The following SV2C variants were observed in gnomAD, a reference collection of about 807,000 sequenced individuals.
The protein encoded by SV2C is synaptic vesicle glycoprotein 2C, also known as solute carrier family 22 member B3.
Under a neutral mutation model 79.7 loss-of-function variants are expected in SV2C, and 49 were observed. The ratio of observed to expected loss-of-function variants is 0.61; its 90% confidence interval spans 0.49 to 0.78. The LOEUF is 0.78. Ranked by LOEUF, SV2C falls within the 30% of genes least tolerant of loss-of-function variation. The probability of loss-of-function intolerance (pLI) is 0.00; values close to 1 mark genes in which losing one functional copy is unlikely to be tolerated. For missense variants in SV2C, 833 were observed against 912.9 expected, an observed-to-expected ratio of 0.91 and a Z score of 1.13; for synonymous variants, 334 against 333.2, an observed-to-expected ratio of 1.00 and a Z score of -0.03.
intron 3 of SV2C, among the ~76,000 whole-genome samples, chr5:76,209,384 G>A (rs1744700324): frequency 6.6e-6 from 1 of 152,138 alleles, no homozygotes; most frequent in Admixed American, 6.5e-5. Context: ...ATATTCACTA[G>A]ATTATAGGAA....
intron 4 of SV2C, among the ~76,000 whole-genome samples, chr5:76,232,690 T>G (rs1382619751): frequency 6.9e-6 from 1 of 144,522 alleles, no homozygotes; most frequent in East Asian, 2.0e-4. Flanking sequence ...ATTTATTAAA[T>G]AGGGAATCCT....
the SV2C span, among the ~76,000 whole-genome samples, chr5:75,893,212 T>G: frequency 6.6e-6 from 1 of 152,138 alleles, no homozygotes; most frequent in African/African-American, 2.4e-5. Flanking sequence ...TTTGGCCACC[T>G]GTATGTCCTC....
At chr5:76,334,835 C>T (rs1749280058), downstream of SV2C, among the ~76,000 whole-genome samples, 2 of 152,186 alleles carry the variant, frequency 1.3e-5, no homozygotes, top group African/African-American at 4.8e-5. Context: ...AGAGTCACCT[C>T]TCCCCCTATA....
chr5:76,220,321 A>C (rs1225364818), intron 4 of SV2C, among the ~76,000 whole-genome samples: 1 of 152,192 alleles, frequency 6.6e-6, no homozygotes, highest in Admixed American at 6.5e-5. Context: ...TCTCAATCCT[A>C]GGAAACCACT....
chr5:75,911,515 C>T, the SV2C span: 10 of 703,554 alleles, frequency 1.4e-5, no homozygotes, highest in African/African-American at 3.6e-5. Context: ...AACCACTGGC[C>T]CTAGGGTCTC....
rs1195735013 is a variant in SV2C, at chr5:76,131,654, G to C, written c.-97G>C. The C allele has an allele frequency of 3.0e-6, 3 of 994,866 alleles. No individual in the cohort carries two copies. The highest frequency in any genetic ancestry group is 2.9e-6 in the Non-Finnish European group (2 of 684,078). 61.6% of individuals were successfully genotyped at this position (994,866 alleles called of 1,614,324 possible). The stretch of plus-strand genomic sequence containing the variant: ...CCTCTATTTCTTCTTTCGCAGTTCT[G>C]TTTTGAACCCAAAGTGGATGATGCT... On this transcript the variant is annotated 5_prime_UTR_variant, in exon 2 of 13. Transcript: ENST00000502798.
At chr5:76,141,483 G>A (rs1170667263) in intron 2 of SV2C, among the ~76,000 whole-genome samples, 5 of 152,094 alleles carry the variant, frequency 3.3e-5, no homozygotes, top group Admixed American at 6.5e-5. Context: ...AGAACTTGCC[G>A]ATGTATTTCA....
the SV2C span, among the ~76,000 whole-genome samples, chr5:75,897,535 T>A: frequency 6.6e-6 from 1 of 152,298 alleles, no homozygotes; most frequent in Admixed American, 6.5e-5. Flanking sequence ...GGCTTAGGAT[T>A]GACTTGGCGA....
chr5:76,162,114 T>C (rs1580318137), intron 2 of SV2C, among the ~76,000 whole-genome samples: 1 of 152,272 alleles, frequency 6.6e-6, no homozygotes, highest in Admixed American at 6.5e-5. Context: ...ATAAGCTCTG[T>C]GAGCCAGTAG....
the SV2C span, among the ~76,000 whole-genome samples, chr5:75,891,561 T>C: frequency 6.6e-6 from 1 of 152,162 alleles, no homozygotes; most frequent in Admixed American, 6.6e-5. Context: ...TTGAATATCT[T>C]TCTTTCCAAT....
intron 4 of SV2C, among the ~76,000 whole-genome samples, chr5:76,235,614 A>G (rs1175252525): frequency 2.0e-5 from 3 of 152,182 alleles, no homozygotes; most frequent in Non-Finnish European, 4.4e-5. Context: ...ACTGAGGTGT[A>G]TTGTGAATGC....
the SV2C span, among the ~76,000 whole-genome samples, chr5:76,006,084 AT>A: frequency 3.3e-5 from 5 of 152,186 alleles, no homozygotes; most frequent in African/African-American, 1.2e-4. Flanking sequence ...CTGCCTAAAT[AT>A]CTATAACCTC....
chr5:76,124,808 G>A (rs1226277116), intron 1 of SV2C, among the ~76,000 whole-genome samples: 2 of 152,062 alleles, frequency 1.3e-5, no homozygotes, highest in East Asian at 3.8e-4. Flanking sequence ...TTTGCTAGTA[G>A]CCATCCAAAT....
At chr5:75,885,873 T>C in the SV2C span, among the ~76,000 whole-genome samples, 5 of 152,072 alleles carry the variant, frequency 3.3e-5, no homozygotes, top group African/African-American at 1.2e-4. Context: ...CAATGGGAAA[T>C]GCTCTTGGAT....
chr5:75,989,750 A>G, the SV2C span, among the ~76,000 whole-genome samples: 1 of 152,186 alleles, frequency 6.6e-6, no homozygotes, highest in East Asian at 1.9e-4. Context: ...ACTCCCACCT[A>G]GAGTGTAAAA....
chr5:76,300,123 C>T (rs375697631), intron 10 of SV2C, among the ~76,000 whole-genome samples: 5 of 151,104 alleles, frequency 3.3e-5, no homozygotes, highest in East Asian at 1.9e-4. Flanking sequence ...AGTACAGTGG[C>T]GCAATCACAG....
rs531925833 is a variant in SV2C, at chr5:76,251,385, AAATAAT to A, written c.914-33764_914-33759del. 4.6e-5 allele frequency among the ~76,000 whole-genome samples: 7 copies of A among 151,944 alleles called. No homozygotes were observed. In the East Asian group the frequency reaches 7.8e-4, roughly 17 times the overall value. ...TGACAAGACCCTGTCTCTACAGAAAAAATAATAATAATAATAATTAGCTGGGGGTGG... is the reference window on the plus strand; with the variant it reads ...TGACAAGACCCTGTCTCTACAGAAAAAATAATAATAATTAGCTGGGGGTGG... On this transcript the variant is annotated intron_variant, in intron 4 of 12. Coordinates refer to ENST00000502798, the MANE Select transcript of SV2C (RefSeq NM_014979.4).
the SV2C span, among the ~76,000 whole-genome samples, chr5:75,906,632 G>T: frequency 6.6e-6 from 1 of 152,030 alleles, no homozygotes; most frequent in Non-Finnish European, 1.5e-5. Flanking sequence ...GATATTATTA[G>T]GTCTCTTTCT....
At chr5:76,193,648 G>A (rs1456638225) in intron 2 of SV2C, among the ~76,000 whole-genome samples, 1 of 152,176 alleles carries the variant, frequency 6.6e-6, no homozygotes, top group African/African-American at 2.4e-5. Flanking sequence ...ACTGGATCAA[G>A]GGAAAGTCCA....
Sources: gnomAD v4.1 joint callset for allele counts (sites outside exome capture counted in the v4.1 genomes callset) on GRCh38, gnomAD v4.1.1 for gene constraint, MANE v1.5 for transcripts, NCBI Gene and HGNC (gene_info 2026-07-23, HGNC 2026-07-21) for gene names.